The following RTF2 variants were observed in gnomAD, a reference collection of about 807,000 sequenced individuals.
RTF2 encodes the protein replication termination factor 2, also known as UPF0549 protein C20orf43.
RTF2 carries 18 observed loss-of-function variants against 38.0 expected under a neutral mutation model. The ratio of observed to expected loss-of-function variants is 0.47; its 90% CI spans 0.33 to 0.70. RTF2 has a LOEUF of 0.70. Ranked by LOEUF, RTF2 falls within the 30% of genes least tolerant of loss-of-function variation. The pLI is 0.02. For synonymous variants in RTF2, 126 were observed against 137.1 expected (o/e 0.92, Z 0.57); for missense variants, 311 against 379.6 (o/e 0.82, Z 1.50).
chr20:56,513,353 C>A lies in RTF2; in HGVS notation c.516C>A (p.Leu172=). The change falls in exon 6 of 9, where the codon CTC becomes CTA. Residue 172 remains leucine (L), a synonymous_variant. Transcript: ENST00000357348. ...AAFQEDDVIM[L]NGTKEDVDVL... ...TCCAGGAGGATGATGTCATCATGCT[C>A]AATGGCACCAAGGAGGATGTGGACG... is the stretch of plus-strand genomic sequence containing the variant. 1 of 1,608,356 alleles carries A rather than the reference C, an allele frequency of 6.2e-7. No individual in the cohort carries two copies. The highest frequency in any genetic ancestry group is 1.1e-5 in the South Asian group (1 of 89,366).
intron 3 of RTF2, 49 bp downstream of exon 3, chr20:56,474,820 G>A: frequency 1.6e-6 from 2 of 1,219,744 alleles, no homozygotes; most frequent in Non-Finnish European, 1.2e-6. Flanking sequence ...CAGTGGCTGA[G>A]GTTTATTTTA....
At chr20:56,499,627 A>G (rs1255981789) in intron 5 of RTF2, among the ~76,000 whole-genome samples, 1 of 152,192 alleles carries the variant, frequency 6.6e-6, no homozygotes, top group African/African-American at 2.4e-5. Flanking sequence ...TTCTCCTATA[A>G]GAATTTTGAT....
chr20:56,509,685 C>A (rs147586239), intron 5 of RTF2, among the ~76,000 whole-genome samples: 141 of 151,762 alleles, frequency 9.3e-4, no homozygotes, highest in African/African-American at 3.3e-3. Flanking sequence ...TCAGGCATTG[C>A]TGGTGGCAAT....
intron 5 of RTF2, among the ~76,000 whole-genome samples, chr20:56,490,394 G>C (rs1026879570): frequency 1.3e-5 from 2 of 152,192 alleles, no homozygotes; most frequent in Non-Finnish European, 2.9e-5. Context: ...CAACAGCAGC[G>C]GCAGCAGCAA....
intron 5 of RTF2, among the ~76,000 whole-genome samples, chr20:56,486,679 G>A (rs1982810277): frequency 6.6e-6 from 1 of 152,050 alleles, no homozygotes; most frequent in Non-Finnish European, 1.5e-5. Context: ...AAAAAATAAA[G>A]TTAGCAGTTA....
intron 5 of RTF2, chr20:56,491,447 A>G: frequency 1.4e-6 from 1 of 723,582 alleles, no homozygotes; most frequent in African/African-American, 1.8e-5. Flanking sequence ...TTCTGAATTC[A>G]TTTTAGGAAT....
rs372971227 is a variant in RTF2, at chr20:56,493,682, T to C, written c.477+9493T>C. On this transcript the variant is annotated intron_variant, in intron 5 of 8. Transcript: ENST00000357348. ...AAAAAAAAAAAAAAAAGACTACAAA[T>C]ATGAAGACTATCAGTGGGAGAAACT... Among the ~76,000 whole-genome samples the C allele has an allele frequency of 2.9e-3, 393 of 135,186 alleles. 2 individuals carry two copies. The highest frequency in any genetic ancestry group is 9.8e-3 in the African/African-American group (366 of 37,458). 88.7% of individuals were successfully genotyped at this position (135,186 alleles called of 152,430 possible). A position where few individuals can be genotyped will look rare whatever the true frequency, so the allele number is the denominator to read the frequency against.
intron 4 of RTF2, among the ~76,000 whole-genome samples, chr20:56,482,638 T>G (rs1982580462): frequency 6.6e-6 from 1 of 152,256 alleles, no homozygotes; most frequent in Non-Finnish European, 1.5e-5. Context: ...AATTTGTAAG[T>G]ATCTATAAAA....
At chr20:56,471,740 C>G (rs1379624512) in intron 1 of RTF2, 1 of 152,198 alleles carries the variant, frequency 6.6e-6, no homozygotes, top group Non-Finnish European at 1.5e-5. Context: ...TGATTTGTCA[C>G]TTTTCTCCCT....
At chr20:56,491,841 A>C (rs745333108) in intron 5 of RTF2, 21 of 1,330,110 alleles carry the variant, frequency 1.6e-5, no homozygotes, top group Admixed American at 6.0e-5. Flanking sequence ...TTTTATTCAC[A>C]CACAGAAAGT....
chr20:56,502,042 CA>C (rs1259185667), intron 5 of RTF2, among the ~76,000 whole-genome samples: 1 of 152,140 alleles, frequency 6.6e-6, no homozygotes, highest in African/African-American at 2.4e-5. Flanking sequence ...ATATAGTGTA[CA>C]GTGGAACAAA....
intron 1 of RTF2, among the ~76,000 whole-genome samples, chr20:56,471,343 C>T (rs979982982): frequency 2.6e-5 from 4 of 151,992 alleles, no homozygotes; most frequent in African/African-American, 7.3e-5. Context: ...CTGAAGCAGG[C>T]GGATCATGAG....
intron 5 of RTF2, among the ~76,000 whole-genome samples, chr20:56,505,830 C>G (rs1469257889): frequency 1.3e-5 from 2 of 152,012 alleles, no homozygotes; most frequent in Non-Finnish European, 2.9e-5. Flanking sequence ...ATGTATAAAC[C>G]TCTTATACAG....
At chr20:56,478,364 A>G (rs1028293031) in intron 4 of RTF2, among the ~76,000 whole-genome samples, 1 of 152,042 alleles carries the variant, frequency 6.6e-6, no homozygotes, top group Admixed American at 6.6e-5. Flanking sequence ...CCATGGTGGC[A>G]TGTACCTATA....
At chr20:56,515,035 TAA>T (rs577137134) in intron 6 of RTF2, among the ~76,000 whole-genome samples, 19 of 123,930 alleles carry the variant, frequency 1.5e-4, no homozygotes, top group Admixed American at 2.5e-4. Context: ...AGACTCCCTC[TAA>T]AAAAAAAAAA....
chr20:56,476,502 C>T (rs200664225), intron 3 of RTF2, among the ~76,000 whole-genome samples: 5 of 142,290 alleles, frequency 3.5e-5, no homozygotes, highest in East Asian at 2.0e-4. Flanking sequence ...TTTCTGTTTT[C>T]TTTTTTTTTT....
chr20:56,487,667 G>T (rs1982866440), intron 5 of RTF2, among the ~76,000 whole-genome samples: 2 of 152,202 alleles, frequency 1.3e-5, no homozygotes, highest in Admixed American at 1.3e-4. Context: ...GTTTGTTGGG[G>T]CTGCTGTAAT....
chr20:56,496,379 C>G (rs150692669), intron 5 of RTF2, among the ~76,000 whole-genome samples: 3,592 of 152,226 alleles, frequency 0.024, 147 homozygotes, highest in African/African-American at 0.081. Flanking sequence ...CAAACACTGT[C>G]TCTACTAAAA....
At chr20:56,483,312 C>T (rs1982619055) in intron 4 of RTF2, among the ~76,000 whole-genome samples, 1 of 151,626 alleles carries the variant, frequency 6.6e-6, no homozygotes, top group Non-Finnish European at 1.5e-5. Flanking sequence ...TGCCTGTATC[C>T]TCAGTTTCCA....
Sources: gnomAD v4.1 joint callset for allele counts (sites outside exome capture counted in the v4.1 genomes callset) on GRCh38, gnomAD v4.1.1 for gene constraint, MANE v1.5 for transcripts, NCBI Gene and HGNC (gene_info 2026-07-23, HGNC 2026-07-21) for gene names.